The following ODF2L variants were observed in gnomAD, a reference collection of about 807,000 sequenced individuals.
ODF2L encodes protein BCAP.
Under a neutral mutation model 86.3 loss-of-function variants are expected in ODF2L, and 76 were observed. The ratio of observed to expected loss-of-function variants is 0.88; its 90% CI spans 0.73 to 1.07. ODF2L has a LOEUF of 1.07. ODF2L is among the 50% of genes least tolerant of loss of function. The pLI is 0.00. For synonymous variants in ODF2L, 241 were observed against 231.3 expected, an observed-to-expected ratio of 1.04 and a Z score of -0.38; for missense variants, 748 against 717.4, an observed-to-expected ratio of 1.04 and a Z score of -0.49.
intron 8 of ODF2L, among the ~76,000 whole-genome samples, chr1:86,375,992 G>C (rs1052540125): frequency 6.6e-6 from 1 of 152,008 alleles, no homozygotes; most frequent in African/African-American, 2.4e-5. Flanking sequence ...AGGCGGGGGG[G>C]ACACACTTAA....
chr1:86,377,922 C>G (rs1461363882), intron 7 of ODF2L, among the ~76,000 whole-genome samples: 3 of 152,248 alleles, frequency 2.0e-5, no homozygotes, highest in African/African-American at 7.2e-5. Context: ...CCAATTTATG[C>G]AGACCACTTG....
At chr1:86,380,551 C>T (rs904884085) in intron 7 of ODF2L, among the ~76,000 whole-genome samples, 1 of 152,048 alleles carries the variant, frequency 6.6e-6, no homozygotes, top group Non-Finnish European at 1.5e-5. Context: ...AACATAGTTC[C>T]AGACACGATC....
intron 7 of ODF2L, among the ~76,000 whole-genome samples, chr1:86,380,316 AG>A (rs969601409): frequency 2.0e-5 from 3 of 152,180 alleles, no homozygotes; most frequent in African/African-American, 7.2e-5. Context: ...AACTAAGAGA[AG>A]GAGCAATACA....
intron 1 of ODF2L, among the ~76,000 whole-genome samples, chr1:86,392,959 G>A (rs772660056): frequency 3.6e-4 from 54 of 152,054 alleles, no homozygotes; most frequent in Non-Finnish European, 6.0e-4. Flanking sequence ...CTTTTTCCAG[G>A]AGTGCTTGTA....
rs573069696 is a variant in ODF2L at position 86,377,735 on chromosome 1, A to AGAAT, written c.625-1321_625-1318dup. On this transcript the variant is annotated intron_variant, in intron 7 of 17. Transcript: ENST00000317336. ...GCATTGGCCCCTTTTAGCCACAACT[A>AGAAT]GAATGCAGGGCACCAAGTCCCAAGA... is the stretch of plus-strand genomic sequence containing the variant. Among the ~76,000 whole-genome samples, 39 of 152,236 alleles carry AGAAT rather than the reference A, an allele frequency of 2.6e-4. No homozygotes were observed. In the East Asian group the frequency reaches 7.4e-3, roughly 29 times the overall value.
chr1:86,385,483 G>A, exon 3 of ODF2L: 2 of 1,588,932 alleles, frequency 1.3e-6, no homozygotes, highest in Non-Finnish European at 1.7e-6. Context: ...CTTTTCAATG[G>A]TGTCCTTAAA....
intron 7 of ODF2L, among the ~76,000 whole-genome samples, chr1:86,381,394 T>C (rs1385434408): frequency 6.6e-6 from 1 of 152,080 alleles, no homozygotes; most frequent in African/African-American, 2.4e-5. Flanking sequence ...ATACAAAATT[T>C]ATTATCCCCC....
At chr1:86,380,474 C>T (rs1017633770) in intron 7 of ODF2L, among the ~76,000 whole-genome samples, 1 of 152,132 alleles carries the variant, frequency 6.6e-6, no homozygotes, top group Non-Finnish European at 1.5e-5. Context: ...GTGTCATCAT[C>T]ACACCATGAA....
chr1:86,396,271 TGCCCGCTCAAGTGG>T (rs1416339769), exon 1 of ODF2L: 8 of 152,236 alleles, frequency 5.3e-5, no homozygotes, highest in African/African-American at 1.2e-4. Context: ...CGCAGAAGAG[TGCCCGCTCAAGTGG>T]AACAAAAGCG....
At chr1:86,356,773 A>G (rs1658599119) in intron 13 of ODF2L, among the ~76,000 whole-genome samples, 171 bp from the exon 13 acceptor site, 1 of 152,236 alleles carries the variant, frequency 6.6e-6, no homozygotes, top group Non-Finnish European at 1.5e-5. Context: ...TGTATAACTA[A>G]AAAGTGGGGT....
intron 7 of ODF2L, among the ~76,000 whole-genome samples, chr1:86,381,433 A>AAC (rs150970713): frequency 2.1e-4 from 32 of 151,308 alleles, no homozygotes; most frequent in Admixed American, 4.6e-4. Context: ...CCTTTAAAGG[A>AAC]ACACACACAC....
intron 11 of ODF2L, chr1:86,368,526 A>G: frequency 1.0e-6 from 1 of 1,000,876 alleles, no homozygotes; most frequent in Non-Finnish European, 1.3e-6. Flanking sequence ...TTAAAACCAT[A>G]GATAACATTT....
At chr1:86,361,561 G>C (rs76263969) in intron 11 of ODF2L, among the ~76,000 whole-genome samples, 1 of 152,138 alleles carries the variant, frequency 6.6e-6, no homozygotes, top group South Asian at 2.1e-4. Flanking sequence ...ATGTGTGTGC[G>C]TGTATCTCTC....
chr1:86,394,647 T>C (rs1426477439), intron 1 of ODF2L, among the ~76,000 whole-genome samples: 1 of 152,058 alleles, frequency 6.6e-6, no homozygotes, highest in Non-Finnish European at 1.5e-5. Context: ...TAAATTCCAT[T>C]GTTCTAAAGT....
chr1:86,349,069 T>C, downstream of ODF2L: 1 of 379,918 alleles, frequency 2.6e-6, no homozygotes, highest in Non-Finnish European at 4.2e-6. Flanking sequence ...ACACACATGG[T>C]TGATCTTCAC....
At chr1:86,364,294 A>G (rs138873396) in intron 11 of ODF2L, among the ~76,000 whole-genome samples, 29 of 152,318 alleles carry the variant, frequency 1.9e-4, no homozygotes, top group African/African-American at 6.7e-4. Context: ...AGAGTTAAGT[A>G]TATGTCACAC....
At chr1:86,367,566 AC>A (rs201422359) in intron 11 of ODF2L, among the ~76,000 whole-genome samples, 2,976 of 150,252 alleles carry the variant, frequency 0.02, 104 homozygotes, top group African/African-American at 0.063. Flanking sequence ...AAAAAAAAAA[AC>A]AAAACAACAA....
chr1:86,367,376 T>C (rs940201874), intron 11 of ODF2L, among the ~76,000 whole-genome samples: 1 of 152,074 alleles, frequency 6.6e-6, no homozygotes, highest in African/African-American at 2.4e-5. Flanking sequence ...CGATGTGGGT[T>C]CAAGGAAACA....
At chr1:86,360,510 T>G (rs757146817) in exon 12 of ODF2L, 1 of 1,594,786 alleles carries the variant, frequency 6.3e-7, no homozygotes, top group Non-Finnish European at 8.6e-7. Flanking sequence ...CAGATACAAC[T>G]TCATCCTTCA....
Sources: allele counts gnomAD v4.1 joint callset (sites outside exome capture counted in the v4.1 genomes callset), GRCh38; gene constraint gnomAD v4.1.1; transcripts MANE v1.5; gene names NCBI Gene and HGNC (gene_info 2026-07-23, HGNC 2026-07-21).